The following FBXO16 variants were observed in gnomAD, a reference collection of about 807,000 sequenced individuals.
FBXO16 encodes F-box protein 16, also known as F-box only protein 16.
A neutral mutation model predicts 41.0 loss-of-function variants in FBXO16; 31 were observed. The ratio of observed to expected loss-of-function variants is 0.76; its 90% CI spans 0.57 to 1.02. The LOEUF (loss-of-function observed/expected upper bound fraction) is 1.02. Ranked by LOEUF, FBXO16 falls within the 50% of genes least tolerant of loss-of-function variation. The probability of loss-of-function intolerance (pLI) is 0.00; values close to 1 mark genes in which losing one functional copy is unlikely to be tolerated. For missense variants in FBXO16, 361 were observed against 346.2 expected (o/e 1.04, Z -0.34); for synonymous variants, 133 against 117.8 (o/e 1.13, Z -0.84).
chr8:28,433,511 G>C (rs1037779290), intron 7 of FBXO16, among the ~76,000 whole-genome samples: 1 of 152,206 alleles, frequency 6.6e-6, no homozygotes, highest in Non-Finnish European at 1.5e-5. Flanking sequence ...CCAGTGGGGA[G>C]AGGCATGAAC....
At chr8:28,429,944 G>A (rs905502046) in intron 7 of FBXO16, among the ~76,000 whole-genome samples, 6 of 152,154 alleles carry the variant, frequency 3.9e-5, no homozygotes, top group East Asian at 1.9e-4. Flanking sequence ...GTGGATTCCC[G>A]AAGCCTTTAT....
intron 5 of FBXO16, among the ~76,000 whole-genome samples, chr8:28,453,354 A>G (rs1802986566): frequency 6.6e-6 from 1 of 151,816 alleles, no homozygotes; most frequent in Non-Finnish European, 1.5e-5. Flanking sequence ...ATTCCCCCAA[A>G]AAAGTACTCC....
intron 7 of FBXO16, among the ~76,000 whole-genome samples, chr8:28,433,298 G>A (rs1802638829): frequency 6.6e-6 from 1 of 152,186 alleles, no homozygotes; most frequent in South Asian, 2.1e-4. Context: ...AATGCCATGC[G>A]TTTGACATTG....
chr8:28,437,489 A>G (rs559128006), intron 7 of FBXO16, among the ~76,000 whole-genome samples: 133 of 152,346 alleles, frequency 8.7e-4, no homozygotes, highest in African/African-American at 3.1e-3. Flanking sequence ...CCAAGATTGT[A>G]GTTCTTAGGC....
At chr8:28,444,473 TTTC>T (rs1372822961) in intron 7 of FBXO16, among the ~76,000 whole-genome samples, 2 of 141,220 alleles carry the variant, frequency 1.4e-5, no homozygotes, top group Non-Finnish European at 3.0e-5. Flanking sequence ...CGGCTAATTT[TTTC>T]TTTTCTTTTT....
chr8:28,467,551 T>C (rs1437509020), intron 3 of FBXO16, among the ~76,000 whole-genome samples: 2 of 152,220 alleles, frequency 1.3e-5, no homozygotes, highest in African/African-American at 2.4e-5. Flanking sequence ...GTCACAGTGA[T>C]GTTAAAAATA....
At chr8:28,444,219 T>C (rs981792875) in intron 7 of FBXO16, among the ~76,000 whole-genome samples, 1 of 152,116 alleles carries the variant, frequency 6.6e-6, no homozygotes, top group African/African-American at 2.4e-5. Context: ...TACCAGAGTT[T>C]TACCCTCACT....
In FBXO16 at chr8:28,463,658, T is replaced by C; in HGVS notation, c.296A>G (p.Tyr99Cys). Reference protein sequence around the residue: ...TTKLPRVLSLYIFSFLDPRSL... With the variant: ...TTKLPRVLSLCIFSFLDPRSL... ...CCGAGGGTCCAGGAAAGAAAAGATG[T>C]ATAAAGATAACACCCTTGGAAGCTT... Residue 99 changes from tyrosine (Y) to cysteine (C), a missense_variant, in exon 4 of 9, where the codon TAC becomes TGC. Tyr to Cys is a radical substitution (Grantham distance 194, BLOSUM62 -2). Coordinates refer to ENST00000380254, the MANE Select transcript of FBXO16 (RefSeq NM_172366.4). The C allele has an allele frequency of 1.2e-6, 2 of 1,614,184 alleles. No homozygotes were observed. The highest frequency in any genetic ancestry group is 4.5e-5 in the East Asian group (2 of 44,888).
At chr8:28,455,123 T>A (rs1803018625) in intron 5 of FBXO16, among the ~76,000 whole-genome samples, 1 of 151,776 alleles carries the variant, frequency 6.6e-6, no homozygotes, top group Non-Finnish European at 1.5e-5. Context: ...TCGCCCAGGA[T>A]GTAGTGCAGT....
intron 3 of FBXO16, among the ~76,000 whole-genome samples, chr8:28,466,204 G>A (rs1389374765): frequency 6.6e-6 from 1 of 151,758 alleles, no homozygotes; most frequent in Non-Finnish European, 1.5e-5. Context: ...CTCCAGCCTG[G>A]GCAACAAGAG....
At chr8:28,431,950 G>GA (rs919466632) in intron 7 of FBXO16, among the ~76,000 whole-genome samples, 9 of 150,632 alleles carry the variant, frequency 6.0e-5, no homozygotes, top group Non-Finnish European at 1.3e-4. Context: ...CCAGGGTTGT[G>GA]TTTTTTTTTC....
At chr8:28,473,152 T>G (rs1180724309) in intron 3 of FBXO16, among the ~76,000 whole-genome samples, 6 of 152,222 alleles carry the variant, frequency 3.9e-5, no homozygotes, top group Admixed American at 3.9e-4. Flanking sequence ...TTGTCTCTTC[T>G]GTTCTCCAAT....
At chr8:28,443,047 C>A (rs1802806140) in intron 7 of FBXO16, among the ~76,000 whole-genome samples, 2 of 149,698 alleles carry the variant, frequency 1.3e-5, no homozygotes, top group South Asian at 4.2e-4. Context: ...TAGGTAGGGT[C>A]TCGCTCTGTC....
intron 3 of FBXO16, among the ~76,000 whole-genome samples, chr8:28,466,021 C>T (rs140771299): frequency 4.9e-4 from 75 of 152,208 alleles, no homozygotes; most frequent in African/African-American, 1.6e-3. Context: ...CGGTGGATTA[C>T]GTGAGGTCAG....
intron 3 of FBXO16, among the ~76,000 whole-genome samples, chr8:28,468,464 T>C (rs1803280452): frequency 6.6e-6 from 1 of 152,190 alleles, no homozygotes; most frequent in African/African-American, 2.4e-5. Context: ...ATACGATCTC[T>C]TCTGGTTGAG....
Position 28,474,316 on chromosome 8 carries a change from C to CAAAAAAAAAAAAAAAAAAAA in FBXO16, c.100-529_100-510dup. 1.1e-4 allele frequency among the ~76,000 whole-genome samples: 6 copies of CAAAAAAAAAAAAAAAAAAAA among 56,678 alleles called. 1 individual carries two copies. Among genetic ancestry groups the CAAAAAAAAAAAAAAAAAAAA allele is most frequent in the African/African-American group, 6.4e-5 (1 of 15,530 alleles). The allele number at this position is 56,678 out of a possible 152,430, so 37.2% of individuals were successfully genotyped here. A position where few individuals can be genotyped will look rare whatever the true frequency, so the allele number is the denominator to read the frequency against. On this transcript the variant is annotated intron_variant, in intron 2 of 8. Transcript: ENST00000380254. ...CCTGGGTAACAGAGCCAGACCCTGTCAAAAAAAAAAAAAAAAAAAAAAAAA... is the reference window on the plus strand; with the variant it reads ...CCTGGGTAACAGAGCCAGACCCTGTCAAAAAAAAAAAAAAAAAAAAAAAAAAAAAAAAAAAAAAAAAAAAA...
At chr8:28,440,481 G>T (rs935410552) in intron 7 of FBXO16, among the ~76,000 whole-genome samples, 4 of 152,130 alleles carry the variant, frequency 2.6e-5, no homozygotes, top group Admixed American at 2.0e-4. Context: ...AACTAGAACT[G>T]GGGTTTCCTG....
intron 2 of FBXO16, among the ~76,000 whole-genome samples, chr8:28,477,543 T>C (rs368955853): frequency 4.7e-4 from 72 of 152,366 alleles, no homozygotes; most frequent in African/African-American, 1.6e-3. Context: ...TCCAGAGTTA[T>C]TGTTCTTTGT....
At chr8:28,435,456 G>T (rs1031797256) in intron 7 of FBXO16, among the ~76,000 whole-genome samples, 1 of 152,048 alleles carries the variant, frequency 6.6e-6, no homozygotes, top group African/African-American at 2.4e-5. Flanking sequence ...TTATAGGTGT[G>T]AGCCACCGTG....
Sources: allele counts gnomAD v4.1 joint callset (sites outside exome capture counted in the v4.1 genomes callset), GRCh38; gene constraint gnomAD v4.1.1; transcripts MANE v1.5; gene names NCBI Gene and HGNC (gene_info 2026-07-23, HGNC 2026-07-21).